Variants in LMNTD1 observed in about 807,000 individuals in gnomAD.
LMNTD1 encodes the protein lamin tail domain-containing protein 1.
A neutral mutation model predicts 50.9 loss-of-function variants in LMNTD1; 35 were observed. The ratio of observed to expected loss-of-function variants is 0.69; its 90% confidence interval spans 0.53 to 0.91. LMNTD1 has a LOEUF of 0.91. Among genes scored for constraint, LMNTD1 ranks in the 40% least tolerant of loss-of-function variants. The probability of loss-of-function intolerance (pLI) is 0.00; values close to 1 mark genes in which losing one functional copy is unlikely to be tolerated. For missense variants in LMNTD1, 470 were observed against 475.5 expected (o/e 0.99, Z 0.11); for synonymous variants, 153 against 161.9 (o/e 0.94, Z 0.42).
intron 1 of LMNTD1, among the ~76,000 whole-genome samples, chr12:25,619,248 C>CTATATATATATATA (rs1256778114): frequency 2.5e-5 from 2 of 78,552 alleles, no homozygotes; most frequent in Non-Finnish European, 5.1e-5. Context: ...CTCTCTCTCT[C>CTATATATATATATA]TCTCTATATA....
chr12:25,483,952 C>A (rs1055593653), intron 9 of LMNTD1, among the ~76,000 whole-genome samples: 4 of 151,864 alleles, frequency 2.6e-5, no homozygotes, highest in African/African-American at 9.7e-5. Flanking sequence ...TGCTGACTAA[C>A]CTTTCTTGGT....
chr12:25,613,658 T>C (rs1946293957), intron 1 of LMNTD1, among the ~76,000 whole-genome samples: 1 of 152,176 alleles, frequency 6.6e-6, no homozygotes, highest in Non-Finnish European at 1.5e-5. Flanking sequence ...GCATATTTGT[T>C]AAGGGAATTA....
intron 1 of LMNTD1, among the ~76,000 whole-genome samples, chr12:25,593,482 T>C (rs905663902): frequency 6.6e-6 from 1 of 151,980 alleles, no homozygotes; most frequent in African/African-American, 2.4e-5. Context: ...AGATCAGCTC[T>C]CAGGAAGCCA....
At chr12:25,615,439 T>C (rs1946334205) in intron 1 of LMNTD1, among the ~76,000 whole-genome samples, 1 of 151,288 alleles carries the variant, frequency 6.6e-6, no homozygotes, top group Admixed American at 6.6e-5. Flanking sequence ...AGCAGAACCA[T>C]ATCCTTTTTT....
chr12:25,531,108 A>G (rs1942198191), intron 4 of LMNTD1, among the ~76,000 whole-genome samples: 1 of 152,186 alleles, frequency 6.6e-6, no homozygotes, highest in African/African-American at 2.4e-5. Context: ...AAGTACTATC[A>G]CAGCAAGGAA....
chr12:25,638,344 T>C (rs1946880705), intron 1 of LMNTD1, among the ~76,000 whole-genome samples: 1 of 151,898 alleles, frequency 6.6e-6, no homozygotes, highest in Non-Finnish European at 1.5e-5. Context: ...TCAGGGAAAA[T>C]TAGGCAAGAA....
At chr12:25,560,235 G>A (rs912973897) in intron 1 of LMNTD1, among the ~76,000 whole-genome samples, 18 of 152,142 alleles carry the variant, frequency 1.2e-4, no homozygotes, top group African/African-American at 4.3e-4. Flanking sequence ...TGTAAGGAAG[G>A]GATCCAGTTT....
At chr12:25,579,322 A>G (rs1213517326) in intron 1 of LMNTD1, among the ~76,000 whole-genome samples, 2 of 152,190 alleles carry the variant, frequency 1.3e-5, no homozygotes, top group Non-Finnish European at 2.9e-5. Context: ...AACTATATAT[A>G]TAGCATTTAC....
At chr12:25,525,423 G>A (rs750167981) in intron 6 of LMNTD1, among the ~76,000 whole-genome samples, 2 of 152,186 alleles carry the variant, frequency 1.3e-5, no homozygotes, top group Non-Finnish European at 2.9e-5. Flanking sequence ...AAATAGAGAA[G>A]AGTATCAATA....
intron 1 of LMNTD1, among the ~76,000 whole-genome samples, chr12:25,595,873 C>A (rs1042659402): frequency 6.6e-6 from 1 of 151,862 alleles, no homozygotes; most frequent in African/African-American, 2.4e-5. Flanking sequence ...GAGAGAAAAT[C>A]CAAATAAGCT....
At chr12:25,618,059 T>C (rs1946384913) in intron 1 of LMNTD1, among the ~76,000 whole-genome samples, 1 of 152,198 alleles carries the variant, frequency 6.6e-6, no homozygotes, top group Non-Finnish European at 1.5e-5. Flanking sequence ...CCCCTGAGCC[T>C]GCTCTCTCAA....
intron 6 of LMNTD1, 51 bp from the exon 7 acceptor site, chr12:25,520,126 C>A (rs1941184107): frequency 4.5e-6 from 3 of 674,080 alleles, no homozygotes; most frequent in Admixed American, 2.7e-5. Context: ...AGGTTTACAA[C>A]ATGCTGTTAT....
chr12:25,549,537 G>T lies in LMNTD1; in HGVS notation c.99C>A (p.Asp33Glu), dbSNP rs761563403. Residue 33 changes from aspartate to glutamate, a missense_variant, in exon 3 of 10, where the codon GAC becomes GAA. By Grantham distance (45) the Asp-to-Glu change is conservative. Coordinates refer to ENST00000458174, the MANE Select transcript of LMNTD1 (RefSeq NM_001145728.2). ...DKNEKQKQRE[D>E]KLGVYSLVHF... ...GTACTAAAGAATATACTCCAAGTTT[G>T]TCTTCTCTTCTGTGTACAAAAAATA... 6 of 1,598,908 alleles carry T rather than the reference G, an allele frequency of 3.8e-6. No individual in the cohort carries two copies. The highest frequency in any genetic ancestry group is 5.1e-6 in the Non-Finnish European group (6 of 1,168,492).
chr12:25,509,408 G>A (rs995827018), intron 8 of LMNTD1, among the ~76,000 whole-genome samples: 10 of 152,138 alleles, frequency 6.6e-5, no homozygotes, highest in Non-Finnish European at 1.2e-4. Context: ...GTGCCAGGCC[G>A]ACATTCTTCT....
Position 25,553,271 on chromosome 12 carries a change from C to A in LMNTD1, c.-233G>T, listed in dbSNP as rs548129755. On this transcript the variant is annotated 5_prime_UTR_variant, in exon 1 of 10. Coordinates refer to ENST00000458174, the MANE Select transcript of LMNTD1 (RefSeq NM_001145728.2). ...AGAGGGCAGTAACTTGGCAAAGAGA[C>A]CTTTATGACTACAGTTGTTGCTTCT... 5 of 1,445,634 alleles carry A rather than the reference C, an allele frequency of 3.5e-6. No homozygotes were observed. The highest frequency in any genetic ancestry group is 2.5e-4 in the Middle Eastern group (1 of 3,926). The allele number at this position is 1,445,634 out of a possible 1,614,324, so 89.6% of individuals were successfully genotyped here. A position where few individuals can be genotyped will look rare whatever the true frequency, so the allele number is the denominator to read the frequency against.
chr12:25,608,433 G>T (rs571595366), intron 1 of LMNTD1, among the ~76,000 whole-genome samples: 1 of 152,124 alleles, frequency 6.6e-6, no homozygotes, highest in African/African-American at 2.4e-5. Context: ...AGCATCGATG[G>T]TCTTTACAAT....
At chr12:25,569,667 T>A (rs1027482519) in intron 1 of LMNTD1, among the ~76,000 whole-genome samples, 3 of 152,144 alleles carry the variant, frequency 2.0e-5, no homozygotes, top group Admixed American at 1.3e-4. Context: ...ATCTCTTTGG[T>A]GATAAGTTCT....
At chr12:25,487,616 A>G (rs1337592388) in intron 9 of LMNTD1, among the ~76,000 whole-genome samples, 2 of 127,706 alleles carry the variant, frequency 1.6e-5, no homozygotes, top group Admixed American at 9.0e-5. Flanking sequence ...TTTTAATTGG[A>G]GAATTTAGTC....
intron 1 of LMNTD1, among the ~76,000 whole-genome samples, chr12:25,583,179 G>A (rs918562295): frequency 5.1e-5 from 6 of 118,032 alleles, no homozygotes; most frequent in East Asian, 3.0e-4. Flanking sequence ...CCGCCACTGC[G>A]CCTGGCTAAT....
Sources: gnomAD v4.1 joint callset for allele counts (sites outside exome capture counted in the v4.1 genomes callset) on GRCh38, gnomAD v4.1.1 for gene constraint, MANE v1.5 for transcripts, NCBI Gene and HGNC (gene_info 2026-07-23, HGNC 2026-07-21) for gene names.